Variants in OPHN1 observed in about 807,000 individuals in gnomAD.
The protein encoded by OPHN1 is oligophrenin 1.
Under a neutral mutation model 60.7 loss-of-function variants are expected in OPHN1, and 11 were observed. The observed-to-expected ratio is 0.18, with a 90% confidence interval of 0.11 to 0.30. OPHN1 has a LOEUF of 0.30. OPHN1 is among the 10% of genes least tolerant of loss of function. The probability of loss-of-function intolerance (pLI) is 1.00; values close to 1 mark genes in which losing one functional copy is unlikely to be tolerated. For synonymous variants in OPHN1, 226 were observed against 222.6 expected (o/e 1.02, Z -0.14); for missense variants, 449 against 611.0 (o/e 0.73, Z 2.80).
chrX:68,322,444 A>G (rs1223453055), intron 2 of OPHN1, among the ~76,000 whole-genome samples: 1 of 112,064 alleles, frequency 8.9e-6, no homozygotes, highest in Non-Finnish European at 1.9e-5. Flanking sequence ...CAAAAGGTGA[A>G]TAGTTAAACA....
chrX:68,256,370 C>T (rs2077863538), intron 5 of OPHN1, among the ~76,000 whole-genome samples: 1 of 111,594 alleles, frequency 9.0e-6, no homozygotes, highest in Non-Finnish European at 1.9e-5. Context: ...TGCAGCTCGA[C>T]TTTACAGGCT....
At chrX:68,194,973 AAAG>A (rs1269242991) in intron 12 of OPHN1, among the ~76,000 whole-genome samples, 1 of 95,889 alleles carries the variant, frequency 1.0e-5, no homozygotes. Context: ...GTCAAAAAAA[AAAG>A]AAAGAAAGAA....
chrX:68,321,314 T>C (rs1269400112), intron 2 of OPHN1, among the ~76,000 whole-genome samples: 2 of 111,906 alleles, frequency 1.8e-5, no homozygotes, highest in African/African-American at 6.5e-5. Context: ...GAGTTGTATG[T>C]CAGGAAACCT....
At chrX:68,193,101 CA>C (rs2077496386) in intron 14 of OPHN1, 108 bp from the exon 15 acceptor site, 1 of 578,083 alleles carries the variant, frequency 1.7e-6, no homozygotes, top group African/African-American at 2.2e-5. Flanking sequence ...CTACATACTC[CA>C]AGTTCTCCAG....
At chrX:68,238,377 T>C (rs1351339710) in intron 5 of OPHN1, among the ~76,000 whole-genome samples, 1 of 110,125 alleles carries the variant, frequency 9.1e-6, no homozygotes, top group Non-Finnish European at 1.9e-5. Flanking sequence ...ATATGTGTGC[T>C]GCCTGGTAGA....
intron 5 of OPHN1, among the ~76,000 whole-genome samples, chrX:68,256,826 G>C (rs759433110): frequency 2.6e-4 from 29 of 111,288 alleles, no homozygotes; most frequent in Non-Finnish European, 1.5e-4. Context: ...GAGGTCAGCA[G>C]TTTGAGACCA....
At position 68,053,739 on chromosome X, in the gene OPHN1, G is replaced by C. The variant is rs751624974; in HGVS notation, c.2230C>G (p.Pro744Ala). 5.0e-6 allele frequency: 6 copies of C among 1,210,652 alleles called. No homozygotes were observed. The highest frequency in any genetic ancestry group is 6.7e-6 in the Non-Finnish European group (6 of 894,881). ...KPTIIRPPVR[P>A]PDPPCRAATP... is the part of the protein sequence containing the mutation. ...GCTGCCCGGCAGGGAGGATCTGGGG[G>C]CCTCACTGGGGGGCGGATGATGGTT... Residue 744 changes from proline (P) to alanine (A), a missense_variant, in exon 22 of 25, where the codon CCC becomes GCC. This residue lies in a region of OPHN1 where 184 missense variants were observed against 160.5 expected (regional missense o/e 1.15). Coordinates refer to ENST00000355520, the MANE Select transcript of OPHN1 (RefSeq NM_002547.3).
chrX:68,422,204 G>T (rs1299631042), intron 2 of OPHN1, among the ~76,000 whole-genome samples: 1 of 110,685 alleles, frequency 9.0e-6, no homozygotes, highest in East Asian at 2.9e-4. Context: ...AGCACCCCTA[G>T]CCCCGATAAA....
chrX:68,093,953 T>A (rs2077028462), intron 19 of OPHN1, among the ~76,000 whole-genome samples: 1 of 111,037 alleles, frequency 9.0e-6, no homozygotes, highest in South Asian at 3.8e-4. Flanking sequence ...CTTTAATGGA[T>A]TATGCTTTTG....
chrX:68,228,739 C>T (rs745874305), intron 6 of OPHN1, among the ~76,000 whole-genome samples: 21 of 111,061 alleles, frequency 1.9e-4, no homozygotes, highest in Non-Finnish European at 4.0e-4. Context: ...TCTAAACAAA[C>T]TAGGTATTGA....
chrX:68,400,555 C>T (rs759322137), intron 2 of OPHN1, among the ~76,000 whole-genome samples: 5 of 109,893 alleles, frequency 4.5e-5, no homozygotes, highest in Admixed American at 1.9e-4. Flanking sequence ...TGGGGAAAAG[C>T]GAAGGGGAAG....
chrX:68,346,175 G>A (rs772790171), intron 2 of OPHN1, among the ~76,000 whole-genome samples: 17 of 111,704 alleles, frequency 1.5e-4, no homozygotes, highest in African/African-American at 5.5e-4. Context: ...AAACCACAGA[G>A]ACTAACTATC....
intron 5 of OPHN1, among the ~76,000 whole-genome samples, chrX:68,236,261 C>T (rs979764752): frequency 9.0e-6 from 1 of 111,643 alleles, no homozygotes; most frequent in South Asian, 3.8e-4. Flanking sequence ...ACTGTTCCTC[C>T]AGCTGTTGAA....
intron 19 of OPHN1, among the ~76,000 whole-genome samples, chrX:68,079,280 C>T (rs1204707494): frequency 9.0e-6 from 1 of 111,193 alleles, no homozygotes; most frequent in Non-Finnish European, 1.9e-5. Context: ...ACTGCCATCA[C>T]ATTCATTTTC....
At chrX:68,380,932 A>C (rs1004601373) in intron 2 of OPHN1, among the ~76,000 whole-genome samples, 10 of 111,680 alleles carry the variant, frequency 9.0e-5, no homozygotes, top group African/African-American at 2.6e-4. Context: ...GAGGAAACAA[A>C]GCTTAGAGAA....
chrX:68,211,586 A>G (rs1483214514), intron 8 of OPHN1, among the ~76,000 whole-genome samples: 7 of 112,559 alleles, frequency 6.2e-5, no homozygotes, highest in Non-Finnish European at 1.1e-4. Flanking sequence ...AAAGGAATAT[A>G]TGTGAAAAGG....
intron 15 of OPHN1, among the ~76,000 whole-genome samples, chrX:68,132,030 T>C (rs1464066511): frequency 8.9e-6 from 1 of 112,573 alleles, no homozygotes; most frequent in African/African-American, 3.2e-5. Context: ...ATGAAAACAC[T>C]ACATATCAAA....
chrX:68,131,130 G>T (rs1247716411), intron 15 of OPHN1, among the ~76,000 whole-genome samples: 1 of 111,107 alleles, frequency 9.0e-6, no homozygotes, highest in Non-Finnish European at 1.9e-5. Flanking sequence ...CAGGCAAATG[G>T]AATCAATATC....
chrX:68,320,826 T>C (rs749613807), intron 2 of OPHN1, among the ~76,000 whole-genome samples: 2 of 111,712 alleles, frequency 1.8e-5, no homozygotes, highest in South Asian at 7.6e-4. Context: ...GGGGTACCCA[T>C]TACCCCCTCT....
Sources: gnomAD v4.1 joint callset for allele counts (sites outside exome capture counted in the v4.1 genomes callset) on GRCh38, gnomAD v4.1.1 for gene constraint, gnomAD v4.1.1 regional missense constraint, MANE v1.5 for transcripts, NCBI Gene and HGNC (gene_info 2026-07-23, HGNC 2026-07-21) for gene names.